ATOSA: variants seen among roughly 807,000 people sequenced by gnomAD.
ATOSA encodes atos homolog A.
chr15:52,647,801 C>CA, the ATOSA span, among the ~76,000 whole-genome samples: 24 of 152,192 alleles, frequency 1.6e-4, no homozygotes, highest in Admixed American at 1.1e-3. Flanking sequence ...AATATGTTAT[C>CA]AAAACACTAC....
the ATOSA span, among the ~76,000 whole-genome samples, chr15:52,582,568 T>C: frequency 6.6e-6 from 1 of 152,170 alleles, no homozygotes; most frequent in Non-Finnish European, 1.5e-5. Flanking sequence ...TAAATCTGAG[T>C]GTCAAATAAA....
the ATOSA span, among the ~76,000 whole-genome samples, chr15:52,671,034 C>G: frequency 6.6e-6 from 1 of 152,072 alleles, no homozygotes; most frequent in Non-Finnish European, 1.5e-5. Flanking sequence ...GACATTCTCC[C>G]TCTCTCTCAG....
chr15:52,708,974 G>T, the ATOSA span, among the ~76,000 whole-genome samples: 1 of 152,142 alleles, frequency 6.6e-6, no homozygotes, highest in Non-Finnish European at 1.5e-5. Flanking sequence ...ACAATTCAGA[G>T]AAGCTGGCTG....
At chr15:52,596,576 A>G in the ATOSA span, among the ~76,000 whole-genome samples, 1 of 152,238 alleles carries the variant, frequency 6.6e-6, no homozygotes, top group African/African-American at 2.4e-5. Context: ...GGGTTGGGCC[A>G]GTGGTTCTCA....
At chr15:52,668,167 A>G in the ATOSA span, among the ~76,000 whole-genome samples, 1 of 152,380 alleles carries the variant, frequency 6.6e-6, no homozygotes, top group Admixed American at 6.5e-5. Flanking sequence ...ATCTGTGTCC[A>G]TAAAGAAAAT....
the ATOSA span, chr15:52,586,706 A>G: frequency 6.2e-6 from 1 of 161,654 alleles, no homozygotes; most frequent in Non-Finnish European, 1.3e-5. Flanking sequence ...CTGTCAGACT[A>G]TATTTCTGCT....
At chr15:52,624,076 C>G in the ATOSA span, among the ~76,000 whole-genome samples, 1 of 152,108 alleles carries the variant, frequency 6.6e-6, no homozygotes, top group Non-Finnish European at 1.5e-5. Context: ...AAAACAGTTA[C>G]CTAGTTAGGT....
chr15:52,599,462 C>G, the ATOSA span, among the ~76,000 whole-genome samples: 34 of 152,200 alleles, frequency 2.2e-4, 1 homozygote, highest in East Asian at 4.2e-3. Context: ...AAACACAACT[C>G]CTGTAAAACT....
At chr15:52,694,986 G>A in the ATOSA span, among the ~76,000 whole-genome samples, 1 of 149,454 alleles carries the variant, frequency 6.7e-6, no homozygotes, top group African/African-American at 2.5e-5. Flanking sequence ...GTGTAGTGGT[G>A]TGATCCCGGC....
At chr15:52,694,386 G>A in the ATOSA span, among the ~76,000 whole-genome samples, 6 of 151,940 alleles carry the variant, frequency 3.9e-5, no homozygotes, top group Admixed American at 6.6e-5. Flanking sequence ...GGCTGGTCTC[G>A]AACTCCTGAC....
chr15:52,608,781 A>G, the ATOSA span: 7 of 1,606,026 alleles, frequency 4.4e-6, no homozygotes, highest in Non-Finnish European at 5.9e-6. Context: ...CACATGTCTT[A>G]GGCCTTTTTG....
the ATOSA span, chr15:52,584,701 G>A: frequency 4.6e-6 from 7 of 1,533,562 alleles, no homozygotes; most frequent in African/African-American, 9.7e-5. Context: ...AAAAATTTTA[G>A]AGTTGTTCTA....
the ATOSA span, among the ~76,000 whole-genome samples, chr15:52,622,620 G>T: frequency 1.8e-3 from 273 of 152,266 alleles, 1 homozygote; most frequent in East Asian, 0.025. Context: ...GAATGATTAT[G>T]GCAATGCTTT....
chr15:52,586,553 A>C, the ATOSA span: 1 of 152,334 alleles, frequency 6.6e-6, no homozygotes, highest in South Asian at 2.1e-4. Flanking sequence ...ACTCAATTTC[A>C]AGCTGGCCTT....
chr15:52,610,248 A>G, the ATOSA span: 4 of 1,614,000 alleles, frequency 2.5e-6, no homozygotes, highest in East Asian at 2.2e-5. Flanking sequence ...TCAAAACTGG[A>G]TAATTAGATT....
chr15:52,594,470 A>G, the ATOSA span, among the ~76,000 whole-genome samples: 3 of 152,340 alleles, frequency 2.0e-5, no homozygotes, highest in East Asian at 1.9e-4. Flanking sequence ...TGTATACATC[A>G]TGAAATGTGA....
the ATOSA span, among the ~76,000 whole-genome samples, chr15:52,684,049 CT>C: frequency 6.6e-6 from 1 of 152,158 alleles, no homozygotes; most frequent in Non-Finnish European, 1.5e-5. Context: ...ACTTCCAATT[CT>C]TTTGTCTTTC....
At chr15:52,627,069 T>C in the ATOSA span, among the ~76,000 whole-genome samples, 3 of 152,188 alleles carry the variant, frequency 2.0e-5, no homozygotes, top group Non-Finnish European at 4.4e-5. Flanking sequence ...ACCCCTATTT[T>C]TGTCAATGAG....
At chr15:52,679,424 C>G in the ATOSA span, 1 of 152,604 alleles carries the variant, frequency 6.6e-6, no homozygotes, top group Non-Finnish European at 1.5e-5. Context: ...GCCAACCCAC[C>G]CCGGTCGTCA....
Sources: allele counts gnomAD v4.1 joint callset (sites outside exome capture counted in the v4.1 genomes callset), GRCh38; gene constraint gnomAD v4.1.1; transcripts MANE v1.5; gene names NCBI Gene and HGNC (gene_info 2026-07-23, HGNC 2026-07-21).